The following PHF14 variants were observed in gnomAD, a reference collection of about 807,000 sequenced individuals.
PHF14 encodes PHD finger protein 14.
A neutral mutation model predicts 117.9 loss-of-function variants in PHF14; 55 were observed. That is an observed-to-expected ratio of 0.47 (90% CI 0.38 to 0.58). PHF14 has a LOEUF of 0.58. Among genes scored for constraint, PHF14 ranks in the 20% least tolerant of loss-of-function variants. The pLI is 0.00. For synonymous variants in PHF14, 409 were observed against 368.6 expected, an observed-to-expected ratio of 1.11 and a Z score of -1.26; for missense variants, 978 against 1,122.2, an observed-to-expected ratio of 0.87 and a Z score of 1.84.
At chr7:11,026,016 G>T (rs1473701707) in intron 6 of PHF14, among the ~76,000 whole-genome samples, 3 of 151,830 alleles carry the variant, frequency 2.0e-5, no homozygotes, top group African/African-American at 2.4e-5. Flanking sequence ...GGAAGCTGAG[G>T]CAGGAGAATC....
chr7:11,069,666 C>T (rs1785543885), intron 16 of PHF14, among the ~76,000 whole-genome samples: 2 of 118,888 alleles, frequency 1.7e-5, no homozygotes, highest in South Asian at 7.3e-4. Flanking sequence ...CCTCCCTTTC[C>T]GTCCCCTCCC....
chr7:10,983,682 C>T (rs1782122657), intron 3 of PHF14, among the ~76,000 whole-genome samples: 1 of 152,076 alleles, frequency 6.6e-6, no homozygotes, highest in South Asian at 2.1e-4. Flanking sequence ...TTTTTAGTCA[C>T]CAAATCTTTG....
chr7:10,976,237 CTTGA>C (rs1344432382), intron 2 of PHF14, among the ~76,000 whole-genome samples: 3 of 152,142 alleles, frequency 2.0e-5, no homozygotes, highest in Non-Finnish European at 4.4e-5. Context: ...ATAAGTTTAT[CTTGA>C]TTAACTGTTT....
intron 12 of PHF14, 67 bp from the exon 13 acceptor site, chr7:11,042,616 G>A (rs975064887): frequency 1.8e-6 from 2 of 1,099,888 alleles, no homozygotes; most frequent in Non-Finnish European, 1.3e-6. Context: ...TGAAAAATAT[G>A]CTATAAGTAA....
At chr7:11,116,813 A>C (rs1583478420) in intron 17 of PHF14, among the ~76,000 whole-genome samples, 2 of 152,014 alleles carry the variant, frequency 1.3e-5, no homozygotes, top group Non-Finnish European at 2.9e-5. Context: ...AGTTTTTACA[A>C]AGTTTTGAAG....
chr7:11,047,200 CTGGGACT>C (rs1784696818), intron 13 of PHF14, among the ~76,000 whole-genome samples: 1 of 151,938 alleles, frequency 6.6e-6, no homozygotes, highest in African/African-American at 2.4e-5. Flanking sequence ...TCCCGAGTAC[CTGGGACT>C]ACAGGCGCGT....
intron 17 of PHF14, among the ~76,000 whole-genome samples, chr7:11,158,150 T>C (rs909623062): frequency 4.6e-5 from 7 of 152,132 alleles, no homozygotes; most frequent in African/African-American, 1.2e-4. Context: ...TTGCCACTAG[T>C]GTTCTTTCTC....
chr7:11,092,559 C>CA (rs11404960), intron 16 of PHF14, among the ~76,000 whole-genome samples: 72,408 of 151,946 alleles, frequency 0.48, 17,871 homozygotes, highest in East Asian at 0.85. Context: ...TTGAAGATTC[C>CA]AATCAGTAGG....
chr7:11,107,295 G>A, intron 16 of PHF14: 1 of 969,432 alleles, frequency 1.0e-6, no homozygotes, highest in South Asian at 4.8e-5. Context: ...CCTCTTCTTT[G>A]TTTAGGGTGC....
intron 16 of PHF14, among the ~76,000 whole-genome samples, chr7:11,089,103 A>T (rs1464016834): frequency 1.3e-5 from 2 of 152,078 alleles, no homozygotes; most frequent in African/African-American, 2.4e-5. Flanking sequence ...TATAAAAAAA[A>T]AAAACCGTAG....
At chr7:11,020,473 G>C (rs764773832) in intron 5 of PHF14, among the ~76,000 whole-genome samples, 2 of 152,066 alleles carry the variant, frequency 1.3e-5, no homozygotes, top group Non-Finnish European at 2.9e-5. Context: ...CCGCCTCCTA[G>C]GCTCAAGCAG....
At chr7:11,153,083 A>G (rs2128354534) in intron 17 of PHF14, among the ~76,000 whole-genome samples, 2 of 152,218 alleles carry the variant, frequency 1.3e-5, no homozygotes, top group South Asian at 4.1e-4. Flanking sequence ...GTGGATTGTG[A>G]TGTGATGTGT....
At chr7:11,148,292 T>C (rs929678440) in intron 17 of PHF14, among the ~76,000 whole-genome samples, 1 of 152,224 alleles carries the variant, frequency 6.6e-6, no homozygotes, top group Non-Finnish European at 1.5e-5. Flanking sequence ...ATAACCGTTA[T>C]GGGCTATGTA....
chr7:11,047,222 C>G (rs1784698312), intron 13 of PHF14, among the ~76,000 whole-genome samples: 1 of 151,910 alleles, frequency 6.6e-6, no homozygotes, highest in Non-Finnish European at 1.5e-5. Context: ...GCGCGTGCCA[C>G]CACGCCCAGC....
At chr7:11,047,752 C>T (rs1178130582) in intron 13 of PHF14, among the ~76,000 whole-genome samples, 2 of 147,060 alleles carry the variant, frequency 1.4e-5, no homozygotes, top group African/African-American at 5.1e-5. Flanking sequence ...CGCCAGTGCT[C>T]TCCAATCTGG....
rs1458018467 is a variant in PHF14 at position 11,111,410 on chromosome 7, T to A, written c.2715T>A (p.Ser905=). The A allele has an allele frequency of 1.9e-6, 3 of 1,609,126 alleles. No individual in the cohort carries two copies. The East Asian group carries it at 6.7e-5, about 36-fold the overall frequency. Residue 905 remains serine, a synonymous_variant, in exon 17 of 18, where the codon TCT becomes TCA. Coordinates refer to ENST00000634607, the MANE Select transcript of PHF14 (RefSeq NM_001007157.2). ...FGCLDPPLKK[S]PKQTGYGWIC... ...GTTTGGATCCTCCTTTGAAAAAGTCTCCTAAACAGACAGGCTACGGATGGA... is the reference window on the plus strand; with the variant it reads ...GTTTGGATCCTCCTTTGAAAAAGTCACCTAAACAGACAGGCTACGGATGGA...
intron 4 of PHF14, among the ~76,000 whole-genome samples, chr7:11,012,042 T>C (rs1396697213): frequency 6.6e-6 from 1 of 152,202 alleles, no homozygotes; most frequent in African/African-American, 2.4e-5. Context: ...GGATGTGACA[T>C]TGCTTACCAG....
intron 17 of PHF14, among the ~76,000 whole-genome samples, chr7:11,137,505 GT>G (rs543369925): frequency 1.2e-3 from 185 of 148,170 alleles, no homozygotes; most frequent in Non-Finnish European, 2.3e-3. Context: ...GTTTTGAATG[GT>G]TTTTTTAAAA....
At chr7:11,075,363 G>T (rs185236140) in intron 16 of PHF14, among the ~76,000 whole-genome samples, 1 of 152,114 alleles carries the variant, frequency 6.6e-6, no homozygotes, top group Admixed American at 6.5e-5. Flanking sequence ...TTGGCCCACG[G>T]ATCTGCCGGC....
Sources: gnomAD v4.1 joint callset for allele counts (sites outside exome capture counted in the v4.1 genomes callset) on GRCh38, gnomAD v4.1.1 for gene constraint, MANE v1.5 for transcripts, NCBI Gene and HGNC (gene_info 2026-07-23, HGNC 2026-07-21) for gene names.